ODF2: variants seen among roughly 807,000 people sequenced by gnomAD.
ODF2 encodes the protein outer dense fiber protein 2.
ODF2 carries 47 observed loss-of-function variants against 110.2 expected under a neutral mutation model. The ratio of observed to expected loss-of-function variants is 0.43; its 90% CI spans 0.34 to 0.54. The LOEUF (loss-of-function observed/expected upper bound fraction) is 0.54. Among genes scored for constraint, ODF2 ranks in the 20% least tolerant of loss-of-function variants. The probability of loss-of-function intolerance (pLI) is 0.03; values close to 1 mark genes in which losing one functional copy is unlikely to be tolerated. For synonymous variants in ODF2, 352 were observed against 397.7 expected, an observed-to-expected ratio of 0.89 and a Z score of 1.37; for missense variants, 812 against 1,054.5, an observed-to-expected ratio of 0.77 and a Z score of 3.19.
At chr9:128,455,931 C>T, upstream of ODF2, 1 of 1,398,016 alleles carries the variant, frequency 7.2e-7, no homozygotes, top group African/African-American at 1.5e-5. Flanking sequence ...GGGGGCGAGA[C>T]CCGGCCAGGC....
intron 17 of ODF2, 88 bp from the exon 18 acceptor site, chr9:128,495,953 C>T: frequency 6.6e-7 from 1 of 1,509,536 alleles, no homozygotes. Context: ...GTGCCCCTTT[C>T]CTGGGTGTGG....
intron 4 of ODF2, among the ~76,000 whole-genome samples, chr9:128,465,213 C>G (rs1218146622): frequency 1.3e-5 from 2 of 152,188 alleles, no homozygotes; most frequent in Non-Finnish European, 1.5e-5. Context: ...ATTCTTGTGT[C>G]TGCCCCTTTC....
chr9:128,457,480 A>G (rs1252422486), intron 2 of ODF2: 10 of 1,556,892 alleles, frequency 6.4e-6, no homozygotes, highest in Non-Finnish European at 7.8e-6. Context: ...GGGCAGGGAA[A>G]GGTGGCCAGG....
At chr9:128,456,134 C>T, upstream of ODF2, 1 of 1,547,694 alleles carries the variant, frequency 6.5e-7, no homozygotes, top group Non-Finnish European at 8.7e-7. Context: ...GAGGCGGAAG[C>T]GGGGAGGAGC....
intron 8 of ODF2, among the ~76,000 whole-genome samples, chr9:128,477,297 C>T (rs1428184160): frequency 6.6e-6 from 1 of 151,654 alleles, no homozygotes; most frequent in African/African-American, 2.4e-5. Context: ...GCCTGTAATT[C>T]CCACACTCTG....
At position 128,498,611 on chromosome 9, in the gene ODF2, C is replaced by G. The variant is rs765676315; in HGVS notation, c.2175+36C>G. The G allele has an allele frequency of 1.6e-5, 20 of 1,227,310 alleles. No homozygotes were observed. In the South Asian group the frequency reaches 2.1e-4, roughly 13 times the overall value. 76.0% of individuals were successfully genotyped at this position (1,227,310 alleles called of 1,614,324 possible). On this transcript the variant is annotated intron_variant, in intron 19 of 20. Transcript: ENST00000604420. ...ATTTCATGAATGACTAGCTCTGTGA[C>G]CTTGGGCAAATCACCTAAACTCTCA...
chr9:128,491,890 G>A (rs772223779), intron 14 of ODF2, among the ~76,000 whole-genome samples: 10 of 140,964 alleles, frequency 7.1e-5, no homozygotes, highest in Non-Finnish European at 4.6e-5. Flanking sequence ...TTTTTGAGAC[G>A]GAGTCTTGCT....
intron 8 of ODF2, among the ~76,000 whole-genome samples, chr9:128,481,144 A>G (rs534042744): frequency 1.1e-4 from 17 of 152,260 alleles, no homozygotes; most frequent in African/African-American, 4.1e-4. Context: ...TTTTATAGTG[A>G]GAATATATTC....
At chr9:128,474,147 T>G (rs887356252) in intron 8 of ODF2, among the ~76,000 whole-genome samples, 1 of 152,118 alleles carries the variant, frequency 6.6e-6, no homozygotes, top group Non-Finnish European at 1.5e-5. Flanking sequence ...TCACTTGAGG[T>G]CAGGAGTTCG....
intron 8 of ODF2, among the ~76,000 whole-genome samples, chr9:128,475,392 C>G (rs899685677): frequency 6.6e-6 from 1 of 152,176 alleles, no homozygotes; most frequent in Non-Finnish European, 1.5e-5. Flanking sequence ...CATGTTTTGA[C>G]ATACGTACAC....
exon 4 of ODF2, chr9:128,461,041 G>T (rs751203343): frequency 1.2e-6 from 2 of 1,614,150 alleles, no homozygotes; most frequent in Non-Finnish European, 1.7e-6. Flanking sequence ...AAAATCATCT[G>T]CCCGGCCTGT....
At chr9:128,488,415 ACT>A (rs1843843668) in intron 14 of ODF2, among the ~76,000 whole-genome samples, 2 of 151,636 alleles carry the variant, frequency 1.3e-5, no homozygotes, top group Admixed American at 6.6e-5. Flanking sequence ...ACAGAGAGAG[ACT>A]CTGTGTCAAA....
chr9:128,471,620 GTTAATTA>G, intron 6 of ODF2, 152 bp downstream of exon 6: 1 of 643,900 alleles, frequency 1.6e-6, no homozygotes, highest in South Asian at 2.0e-5. Flanking sequence ...ATTAATTACA[GTTAATTA>G]CCTGGTTGTG....
intron 6 of ODF2, 27 bp from the exon 7 acceptor site, chr9:128,472,886 C>T (rs1318257268): frequency 6.2e-7 from 1 of 1,613,224 alleles, no homozygotes; most frequent in Non-Finnish European, 8.5e-7. Flanking sequence ...CCTGGGAGGG[C>T]TCACAGAGCC....
chr9:128,492,024 C>A (rs1844693829), intron 14 of ODF2, among the ~76,000 whole-genome samples: 1 of 151,970 alleles, frequency 6.6e-6, no homozygotes, highest in Admixed American at 6.6e-5. Flanking sequence ...CGCCACCACG[C>A]CCGGCTAATT....
intron 7 of ODF2, 195 bp from the exon 8 acceptor site, chr9:128,473,415 C>A: frequency 1.5e-6 from 1 of 655,612 alleles, no homozygotes; most frequent in Non-Finnish European, 1.9e-6. Context: ...TCCACCTTTG[C>A]TCGGAGCAGA....
chr9:128,496,080 A>G (rs777890030), exon 18 of ODF2: 2 of 1,613,938 alleles, frequency 1.2e-6, no homozygotes, highest in South Asian at 1.1e-5. Flanking sequence ...GGCGAGAGAG[A>G]AACATCAGGC....
At chr9:128,487,739 A>G (rs746826721) in intron 13 of ODF2, 151 bp from the exon 14 acceptor site, 142 of 821,370 alleles carry the variant, frequency 1.7e-4, no homozygotes, top group Non-Finnish European at 2.4e-4. Flanking sequence ...GTGAGCCAAG[A>G]TCGCGCCACT....
chr9:128,484,999 A>T, intron 12 of ODF2, 113 bp downstream of exon 12: 1 of 1,122,668 alleles, frequency 8.9e-7, no homozygotes, highest in Non-Finnish European at 1.3e-6. Flanking sequence ...GAGGGATGGT[A>T]GTGGTGGAAA....
Sources: gnomAD v4.1 joint callset for allele counts (sites outside exome capture counted in the v4.1 genomes callset) on GRCh38, gnomAD v4.1.1 for gene constraint, MANE v1.5 for transcripts, NCBI Gene and HGNC (gene_info 2026-07-23, HGNC 2026-07-21) for gene names.